Variants in MTPAP observed in about 807,000 individuals in gnomAD.
MTPAP encodes mitochondrial poly(A) polymerase.
MTPAP carries 23 observed loss-of-function variants against 48.7 expected under a neutral mutation model. The ratio of observed to expected loss-of-function variants is 0.47; its 90% CI spans 0.34 to 0.67. The LOEUF (loss-of-function observed/expected upper bound fraction) is 0.67. Among genes scored for constraint, MTPAP ranks in the 30% least tolerant of loss-of-function variants. The pLI is 0.01. For missense variants in MTPAP, 614 were observed against 694.3 expected (o/e 0.88, Z 1.30); for synonymous variants, 257 against 254.1 (o/e 1.01, Z -0.11).
At chr10:30,334,891 T>C (rs1343598983) in intron 4 of MTPAP, among the ~76,000 whole-genome samples, 1 of 152,162 alleles carries the variant, frequency 6.6e-6, no homozygotes, top group Non-Finnish European at 1.5e-5. Flanking sequence ...GGAAACAGAA[T>C]GTAGTTACAA....
intron 1 of MTPAP, among the ~76,000 whole-genome samples, chr10:30,346,743 C>T (rs1264143460): frequency 6.6e-6 from 1 of 152,162 alleles, no homozygotes; most frequent in African/African-American, 2.4e-5. Context: ...AGTAAAAAAC[C>T]ACTCTATGTG....
rs1013212781 is a variant in MTPAP, at chr10:30,326,435, A to T, written c.981T>A (p.Thr327=). The T allele has an allele frequency of 2.3e-5, 37 of 1,613,662 alleles. No individual in the cohort carries two copies. The highest frequency in any genetic ancestry group is 3.0e-5 in the Non-Finnish European group (35 of 1,179,662). The change falls in exon 5 of 9, where the codon ACT becomes ACA. Residue 327 remains threonine (T), a synonymous_variant. Transcript: ENST00000263063. ...GTAAGCGGTCATACCTATTGTTCGT[A>T]GTCAAATCACACTGAAATCCGGAGG... ...HQASGFQCDL[T]TNNRIALTSS...
chr10:30,341,911 A>T (rs1287610798), intron 1 of MTPAP, among the ~76,000 whole-genome samples: 1 of 152,196 alleles, frequency 6.6e-6, no homozygotes, highest in Non-Finnish European at 1.5e-5. Flanking sequence ...TTGCTATGAT[A>T]AGGCTTAATT....
At position 30,332,728 on chromosome 10, in the gene MTPAP, T is replaced by C. The variant is rs1169794317; in HGVS notation, c.780+4075A>G. On this transcript the variant is annotated intron_variant, in intron 4 of 8. Transcript: ENST00000263063. The stretch of plus-strand genomic sequence containing the variant: ...GGCCAGGTGCAGTGGCTCACACCTA[T>C]AATCTCAGCACTTTGGGAGGCTGAG... 2.6e-5 allele frequency among the ~76,000 whole-genome samples: 4 copies of C among 152,196 alleles called. No individual in the cohort carries two copies. The South Asian group carries it at 6.2e-4, about 24-fold the overall frequency.
Position 30,349,159 on chromosome 10 carries a change from G to T in MTPAP, c.117C>A (p.Asp39Glu). Residue 39 changes from aspartate to glutamate, a missense_variant, in exon 1 of 9, where the codon GAC becomes GAA. By Grantham distance (45) the Asp-to-Glu change is conservative (BLOSUM62 2). Coordinates refer to ENST00000263063, the MANE Select transcript of MTPAP (RefSeq NM_018109.4). Reference protein sequence around the residue: ...LLSCPGTVAKDLRRDEQPSGS... With the variant: ...LLSCPGTVAKELRRDEQPSGS... The stretch of plus-strand genomic sequence containing the variant: ...CTGAAGGCTGCTCGTCTCTCCTAAG[G>T]TCTTTGGCCACAGTTCCTGGGCAAC... 1 of 1,613,368 alleles carries T rather than the reference G, an allele frequency of 6.2e-7. No individual in the cohort carries two copies. The highest frequency in any genetic ancestry group is 8.5e-7 in the Non-Finnish European group (1 of 1,179,758).
At chr10:30,321,615 G>A (rs1005038115) in intron 6 of MTPAP, among the ~76,000 whole-genome samples, 3 of 152,220 alleles carry the variant, frequency 2.0e-5, no homozygotes, top group African/African-American at 7.2e-5. Flanking sequence ...AAACTGGGCC[G>A]TGTCTAGAGA....
At chr10:30,314,107 G>T in intron 8 of MTPAP, 136 bp from the exon 9 acceptor site, 1 of 1,087,564 alleles carries the variant, frequency 9.2e-7, no homozygotes, top group Non-Finnish European at 1.3e-6. Context: ...TCTTTCTCAG[G>T]GGATTGAGTA....
At chr10:30,314,811 G>A (rs1840640247) in intron 8 of MTPAP, among the ~76,000 whole-genome samples, 1 of 148,150 alleles carries the variant, frequency 6.7e-6, no homozygotes, top group African/African-American at 2.5e-5. Flanking sequence ...GGCGGAGGCT[G>A]CAGTGAGCCA....
At chr10:30,333,771 C>T (rs1256466800) in intron 4 of MTPAP, among the ~76,000 whole-genome samples, 1 of 152,066 alleles carries the variant, frequency 6.6e-6, no homozygotes, top group Non-Finnish European at 1.5e-5. Flanking sequence ...CCGGAAGCAG[C>T]AGTGTAAGCC....
intron 4 of MTPAP, among the ~76,000 whole-genome samples, chr10:30,330,872 A>C (rs1471680573): frequency 3.3e-5 from 5 of 152,228 alleles, no homozygotes; most frequent in Non-Finnish European, 7.3e-5. Context: ...GAGATGAAAC[A>C]CTGGTCAGCC....
chr10:30,316,098 G>C lies in MTPAP; in HGVS notation c.1312+20C>G. The C allele has an allele frequency of 6.2e-7, 1 of 1,609,982 alleles. No homozygotes were observed. Among genetic ancestry groups the C allele is most frequent in the Non-Finnish European group, 8.5e-7 (1 of 1,176,286 alleles). ...CCTGTTTCAATCCAGAAAGGATCAA[G>C]TAAACAGAAAGACACTTACCTAATG... On this transcript the variant is annotated intron_variant, in intron 7 of 8. Coordinates refer to ENST00000263063, the MANE Select transcript of MTPAP (RefSeq NM_018109.4).
rs769468906 is a variant in MTPAP, at chr10:30,336,907, T to A, written c.676A>T (p.Ile226Leu). The change falls in exon 4 of 9, where the codon ATA (isoleucine) becomes TTA (leucine). Residue 226 changes from isoleucine to leucine, a missense_variant. Ile to Leu is a conservative substitution (Grantham distance 5). Coordinates refer to ENST00000263063, the MANE Select transcript of MTPAP (RefSeq NM_018109.4). ...ACTGAGGAGCCAAAGGGTCTGACTA[T>A]GCAGTCTGGAAAATACGCGGCGGCC... ...DMAAAYFPDCIVRPFGSSVNT... is the reference protein window; with the variant it reads ...DMAAAYFPDCLVRPFGSSVNT... 6.2e-7 allele frequency: 1 copy of A among 1,613,270 alleles called. No homozygotes were observed. Among genetic ancestry groups the A allele is most frequent in the South Asian group, 1.1e-5 (1 of 91,030 alleles).
intron 6 of MTPAP, among the ~76,000 whole-genome samples, chr10:30,319,678 T>C (rs536539505): frequency 2.0e-5 from 3 of 152,342 alleles, no homozygotes; most frequent in South Asian, 2.1e-4. Context: ...ATTCTTAATA[T>C]ACATTAATCT....
intron 5 of MTPAP, among the ~76,000 whole-genome samples, chr10:30,323,514 G>GTATT (rs2132851217): frequency 6.7e-6 from 1 of 150,194 alleles, no homozygotes; most frequent in Non-Finnish European, 1.5e-5. Flanking sequence ...GAATATGTAT[G>GTATT]TATTTATTTA....
At position 30,327,795 on chromosome 10, in the gene MTPAP, G is replaced by C. The variant is rs567869721; in HGVS notation, c.781-1160C>G. ...TGGAAGGTGGAGGTTGCAGTGAGTC[G>C]AGATCACACCACTGCACTCCAGCCT... On this transcript the variant is annotated intron_variant, in intron 4 of 8. Transcript: ENST00000263063. Among the ~76,000 whole-genome samples, 417 of 145,012 alleles carry C rather than the reference G, an allele frequency of 2.9e-3. 2 individuals are homozygous for C. The highest frequency in any genetic ancestry group is 4.9e-3 in the Non-Finnish European group (325 of 66,636).
In MTPAP at chr10:30,349,226, C is replaced by A. The variant is rs1012293243; in HGVS notation, c.50G>T (p.Arg17Leu). The stretch of plus-strand genomic sequence containing the variant: ...AGGCCGCTGGACTCGAGTTCTTCTC[C>A]GGGCACACAGGTTCAAACGGGTCAA... The part of the protein sequence containing the change: ...GLLTRLNLCA[R>L]RRTRVQRPIV... The change falls in exon 1 of 9, where the codon CGG becomes CTG. Residue 17 changes from arginine (R) to leucine (L), a missense_variant. Arg to Leu is a moderately radical substitution (Grantham distance 102). Coordinates refer to ENST00000263063, the MANE Select transcript of MTPAP (RefSeq NM_018109.4). The A allele has an allele frequency of 1.2e-6, 2 of 1,602,570 alleles. No homozygotes were observed. Among genetic ancestry groups the A allele is most frequent in the Non-Finnish European group, 1.7e-6 (2 of 1,174,130 alleles).
chr10:30,326,869 G>A (rs965210072), intron 4 of MTPAP, among the ~76,000 whole-genome samples: 2 of 152,174 alleles, frequency 1.3e-5, no homozygotes, highest in African/African-American at 4.8e-5. Flanking sequence ...TAACTTGAAC[G>A]ATCACTGGTT....
intron 6 of MTPAP, among the ~76,000 whole-genome samples, chr10:30,316,911 C>T (rs56338628): frequency 0.044 from 6,717 of 151,658 alleles, 478 homozygotes; most frequent in African/African-American, 0.15. Context: ...CAAAACAAAA[C>T]AAATTTAAGT....
chr10:30,349,075 C>G, intron 1 of MTPAP, 44 bp downstream of exon 1: 1 of 1,613,506 alleles, frequency 6.2e-7, no homozygotes, highest in Non-Finnish European at 8.5e-7. Flanking sequence ...CCAGACTCCT[C>G]GCCCGCTGTG....
Sources: gnomAD v4.1 joint callset for allele counts (sites outside exome capture counted in the v4.1 genomes callset) on GRCh38, gnomAD v4.1.1 for gene constraint, MANE v1.5 for transcripts, NCBI Gene and HGNC (gene_info 2026-07-23, HGNC 2026-07-21) for gene names.